CHRNA7: variants seen among roughly 807,000 people sequenced by gnomAD.
The protein encoded by CHRNA7 is cholinergic receptor nicotinic alpha 7 subunit, also known as neuronal acetylcholine receptor subunit alpha-7.
CHRNA7 carries 17 observed loss-of-function variants against 48.0 expected under a neutral mutation model. The observed-to-expected ratio is 0.35, with a 90% CI of 0.24 to 0.53. The LOEUF is 0.53. Among genes scored for constraint, CHRNA7 ranks in the 20% least tolerant of loss-of-function variants. CHRNA7 has a pLI of 0.92. For missense variants in CHRNA7, 155 were observed against 577.7 expected, an observed-to-expected ratio of 0.27 and a Z score of 7.50; for synonymous variants, 75 against 242.3, an observed-to-expected ratio of 0.31 and a Z score of 6.41.
In CHRNA7 at chr15:32,134,163, T is replaced by G. The variant is rs542180702; in HGVS notation, c.351-19744T>G. ...GACTACATGTGGGTTTTTTTGTGTG[T>G]TTTTTTTTTTTCTGAGACTGAGTCT... is the stretch of plus-strand genomic sequence containing the variant. On this transcript the variant is annotated intron_variant, in intron 4 of 9. Transcript: ENST00000306901. Among the ~76,000 whole-genome samples the G allele has an allele frequency of 6.9e-4, 100 of 144,494 alleles. 1 individual carries two copies. Among genetic ancestry groups the G allele is most frequent in the Admixed American group, 2.1e-3 (30 of 14,558 alleles). 94.8% of individuals were successfully genotyped at this position (144,494 alleles called of 152,430 possible).
chr15:32,051,697 C>T (rs1444747569), intron 2 of CHRNA7, among the ~76,000 whole-genome samples: 2 of 152,208 alleles, frequency 1.3e-5, no homozygotes. Flanking sequence ...GTGAGATGAA[C>T]CTGGTAGCTC....
intron 4 of CHRNA7, among the ~76,000 whole-genome samples, chr15:32,131,357 AT>A (rs926665655): frequency 1.3e-5 from 2 of 150,600 alleles, no homozygotes; most frequent in African/African-American, 4.9e-5. Flanking sequence ...GGCTGTGTCG[AT>A]TTTTTTTCTT....
chr15:32,087,360 A>G (rs1397356351), intron 2 of CHRNA7, among the ~76,000 whole-genome samples: 2 of 151,996 alleles, frequency 1.3e-5, no homozygotes, highest in African/African-American at 4.8e-5. Context: ...CTGGCTCTAC[A>G]GTATGTTCCA....
chr15:32,114,818 G>A (rs542424876), intron 4 of CHRNA7, among the ~76,000 whole-genome samples: 1 of 152,340 alleles, frequency 6.6e-6, no homozygotes, highest in African/African-American at 2.4e-5. Context: ...CATGTGGCTG[G>A]TTGTCTCTTT....
chr15:32,101,216 C>G (rs2050564293), intron 2 of CHRNA7, 87 bp from the exon 3 acceptor site: 1 of 1,403,842 alleles, frequency 7.1e-7, no homozygotes, highest in African/African-American at 1.4e-5. Flanking sequence ...ACGCTCTCGA[C>G]AGTCAGATCC....
rs2051570863 is a variant in CHRNA7 at position 32,149,395 on chromosome 15, CTG to C, written c.351-4511_351-4510del. ...GGAAGCTGCGCCGGTGCTGTGGCCACTGAGGTCCTCATAGGGGTTCTGGCCAC... is the reference window on the plus strand; with the variant it reads ...GGAAGCTGCGCCGGTGCTGTGGCCACAGGTCCTCATAGGGGTTCTGGCCAC... On this transcript the variant is annotated intron_variant, in intron 4 of 9. Coordinates refer to ENST00000306901, the MANE Select transcript of CHRNA7 (RefSeq NM_000746.6). This position sits in a 1 kb window ranked among gnomAD's most constrained non-coding sequence, Gnocchi z 4.6. 3.3e-5 allele frequency among the ~76,000 whole-genome samples: 5 copies of C among 152,150 alleles called. No homozygotes were observed. Among genetic ancestry groups the C allele is most frequent in the Admixed American group, 3.3e-4 (5 of 15,284 alleles).
intron 2 of CHRNA7, among the ~76,000 whole-genome samples, chr15:32,053,614 T>C (rs2049731638): frequency 6.6e-6 from 1 of 152,230 alleles, no homozygotes; most frequent in African/African-American, 2.4e-5. Flanking sequence ...TTGTTGATTT[T>C]ATTTTTGATA....
rs557898456 is a variant in CHRNA7, at chr15:32,109,751, C to A, written c.241-2039C>A. ...GAAGCAGTCATATCACTGACCCCCCCGAACTATGGTGAGTCTGCTATGGTG... is the reference window on the plus strand; with the variant it reads ...GAAGCAGTCATATCACTGACCCCCCAGAACTATGGTGAGTCTGCTATGGTG... On this transcript the variant is annotated intron_variant, in intron 3 of 9. Transcript: ENST00000306901. 6.6e-5 allele frequency among the ~76,000 whole-genome samples: 10 copies of A among 152,306 alleles called. 1 individual carries two copies. The South Asian group carries it at 2.1e-3, about 32-fold the overall frequency.
intron 2 of CHRNA7, among the ~76,000 whole-genome samples, chr15:32,063,734 T>C (rs911703525): frequency 5.3e-5 from 8 of 152,204 alleles, no homozygotes; most frequent in Non-Finnish European, 1.0e-4. Context: ...CTGAAACCAC[T>C]TGAGGGACCC....
Position 32,170,359 on chromosome 15 carries a change from G to A in CHRNA7, c.*1901G>A, listed in dbSNP as rs1255463741. On this transcript the variant is annotated 3_prime_UTR_variant, in exon 10 of 10. Coordinates refer to ENST00000306901, the MANE Select transcript of CHRNA7 (RefSeq NM_000746.6). ...GGACATTCCAGCCTCAGGCGGCTTG[G>A]AGCAGGATCATTCCTCAGCAGGCAT... is the stretch of plus-strand genomic sequence containing the variant. 2 of 142,064 alleles carry A rather than the reference G, an allele frequency of 1.4e-5. No homozygotes were observed. The highest frequency in any genetic ancestry group is 3.0e-5 in the Non-Finnish European group (2 of 65,992). 8.8% of individuals were successfully genotyped at this position (142,064 alleles called of 1,614,324 possible). A position where few individuals can be genotyped will look rare whatever the true frequency, so the allele number is the denominator to read the frequency against.
chr15:32,143,430 A>C (rs554413370), intron 4 of CHRNA7, among the ~76,000 whole-genome samples: 1 of 152,172 alleles, frequency 6.6e-6, no homozygotes, highest in Non-Finnish European at 1.5e-5. Context: ...GTAGATATCT[A>C]TTAGGTTCAC....
intron 2 of CHRNA7, among the ~76,000 whole-genome samples, chr15:32,071,581 A>T (rs77444946): frequency 2.0e-5 from 3 of 152,026 alleles, no homozygotes; most frequent in Non-Finnish European, 4.4e-5. Flanking sequence ...AGGTGTTTGG[A>T]TGATTGGAGC....
At chr15:32,051,757 C>A (rs182764138) in intron 2 of CHRNA7, among the ~76,000 whole-genome samples, 3 of 152,210 alleles carry the variant, frequency 2.0e-5, no homozygotes, top group African/African-American at 7.2e-5. Context: ...AGGCTGGGAG[C>A]TGTAGACCGG....
At chr15:32,095,396 G>A (rs1399059917) in intron 2 of CHRNA7, among the ~76,000 whole-genome samples, 1 of 152,204 alleles carries the variant, frequency 6.6e-6, no homozygotes, top group South Asian at 2.1e-4. Flanking sequence ...ATAAAACTAA[G>A]AAGCATTTTA....
At chr15:32,055,703 G>T (rs1001273098) in intron 2 of CHRNA7, among the ~76,000 whole-genome samples, 2 of 152,192 alleles carry the variant, frequency 1.3e-5, no homozygotes, top group Admixed American at 6.5e-5. Flanking sequence ...CAGTTGGCCA[G>T]GCGTGGTGGC....
chr15:32,073,786 C>T (rs2050094391), intron 2 of CHRNA7, among the ~76,000 whole-genome samples: 1 of 152,160 alleles, frequency 6.6e-6, no homozygotes, highest in Non-Finnish European at 1.5e-5. Context: ...ACACCTGCTC[C>T]CCTTTTGCCT....
intron 2 of CHRNA7, among the ~76,000 whole-genome samples, chr15:32,050,538 T>C (rs999100440): frequency 7.9e-5 from 12 of 152,316 alleles, no homozygotes; most frequent in African/African-American, 2.9e-4. Context: ...ATTCTAGTTA[T>C]ACATTCGTCT....
At chr15:32,107,265 A>G (rs1294029206) in intron 3 of CHRNA7, among the ~76,000 whole-genome samples, 3 of 152,240 alleles carry the variant, frequency 2.0e-5, no homozygotes, top group South Asian at 4.2e-4. Flanking sequence ...GCTCAGTCTC[A>G]CTTCAGATAC....
At chr15:32,051,766 G>A (rs973874948) in intron 2 of CHRNA7, among the ~76,000 whole-genome samples, 11 of 152,172 alleles carry the variant, frequency 7.2e-5, no homozygotes, top group Non-Finnish European at 1.5e-4. Context: ...GCTGTAGACC[G>A]GAGCTGTTCC....
Sources: allele counts gnomAD v4.1 joint callset (sites outside exome capture counted in the v4.1 genomes callset), GRCh38; gene constraint gnomAD v4.1.1; non-coding constraint Gnocchi (gnomAD v3.1); transcripts MANE v1.5; gene names NCBI Gene and HGNC (gene_info 2026-07-23, HGNC 2026-07-21).